The following CTNNA3 variants were observed in gnomAD, a reference collection of about 807,000 sequenced individuals.
CTNNA3 encodes catenin alpha-3.
In CTNNA3, 76 loss-of-function variants were observed where a neutral mutation model predicts 95.7. The observed-to-expected ratio is 0.79, with a 90% CI of 0.66 to 0.96. CTNNA3 has a LOEUF of 0.96. CTNNA3 is among the 40% of genes least tolerant of loss of function. The pLI is 0.00. For missense variants in CTNNA3, 1,191 were observed against 1,089.8 expected, an observed-to-expected ratio of 1.09 and a Z score of -1.31; for synonymous variants, 431 against 374.4, an observed-to-expected ratio of 1.15 and a Z score of -1.74.
At chr10:66,031,153 C>T (rs932557917) in intron 15 of CTNNA3, among the ~76,000 whole-genome samples, 6 of 152,080 alleles carry the variant, frequency 3.9e-5, no homozygotes, top group African/African-American at 1.4e-4. Flanking sequence ...ATTGGAGATT[C>T]CTCAGAGAAC....
rs536804566 is a variant in CTNNA3 at position 67,046,744 on chromosome 10, A to C, written c.1047+133573T>G. On this transcript the variant is annotated intron_variant, in intron 7 of 17. Transcript: ENST00000433211. ...TTTGTTACCATTATCCTTCTCTCTA[A>C]AATCTAGTTCTGAATAAATAAAAGC... Among the ~76,000 whole-genome samples, 5 of 152,292 alleles carry C rather than the reference A, an allele frequency of 3.3e-5. No individual in the cohort carries two copies. In the South Asian group the frequency reaches 1.0e-3, roughly 32 times the overall value.
At chr10:66,111,130 T>C (rs2082105785) in intron 13 of CTNNA3, among the ~76,000 whole-genome samples, 3 of 152,186 alleles carry the variant, frequency 2.0e-5, no homozygotes, top group Non-Finnish European at 4.4e-5. Flanking sequence ...TAGGAGGTGA[T>C]TGGATCACGG....
intron 11 of CTNNA3, among the ~76,000 whole-genome samples, chr10:66,469,869 T>A (rs1267871382): frequency 1.3e-5 from 2 of 151,764 alleles, no homozygotes; most frequent in Non-Finnish European, 2.9e-5. Flanking sequence ...GAGACTTAAT[T>A]GAAAACATAA....
intron 3 of CTNNA3, among the ~76,000 whole-genome samples, chr10:67,541,235 A>T (rs1425239527): frequency 6.6e-6 from 1 of 151,900 alleles, no homozygotes; most frequent in African/African-American, 2.4e-5. Context: ...TTGCCCCAAA[A>T]TTCTCCAAAA....
At chr10:66,723,458 T>C (rs1343917111) in intron 9 of CTNNA3, among the ~76,000 whole-genome samples, 2 of 152,146 alleles carry the variant, frequency 1.3e-5, no homozygotes, top group Non-Finnish European at 2.9e-5. Flanking sequence ...CACTTGGCCT[T>C]ATAGCCACAA....
intron 5 of CTNNA3, among the ~76,000 whole-genome samples, chr10:67,357,525 A>G (rs1201586452): frequency 6.6e-6 from 1 of 152,112 alleles, no homozygotes; most frequent in African/African-American, 2.4e-5. Flanking sequence ...TAACAACACA[A>G]CTGAAAACAC....
chr10:67,124,468 T>C (rs1010220959), intron 7 of CTNNA3, among the ~76,000 whole-genome samples: 4 of 151,970 alleles, frequency 2.6e-5, no homozygotes, highest in African/African-American at 9.7e-5. Context: ...AATCAATTTC[T>C]AGATTACATT....
rs1862485151 is a variant in CTNNA3, at chr10:67,180,529, A to G, written c.844-9T>C. ...TTCAGGACAATTAAATTCTAAGAGA[A>G]GAACACATTTGTATGGTTAGAGCTC... is the stretch of plus-strand genomic sequence containing the variant. On this transcript the variant is annotated splice_polypyrimidine_tract_variant and intron_variant, in intron 6 of 17. Coordinates refer to ENST00000433211, the MANE Select transcript of CTNNA3 (RefSeq NM_013266.4). The G allele has an allele frequency of 1.2e-6, 2 of 1,605,074 alleles. No homozygotes were observed. The highest frequency in any genetic ancestry group is 1.7e-6 in the Non-Finnish European group (2 of 1,171,930).
Position 67,274,474 on chromosome 10 carries a change from G to A in CTNNA3, c.580-54604C>T, listed in dbSNP as rs1839106835. Among the ~76,000 whole-genome samples, 2 of 152,086 alleles carry A rather than the reference G, an allele frequency of 1.3e-5. 1 individual carries two copies. Among genetic ancestry groups the A allele is most frequent in the South Asian group, 4.1e-4 (2 of 4,822 alleles). ...AAACAATAATTGACTGAATTATGAA[G>A]ACATTGGCAAATTTACAATCGCCAT... On this transcript the variant is annotated intron_variant, in intron 5 of 17. Transcript: ENST00000433211.
intron 5 of CTNNA3, among the ~76,000 whole-genome samples, chr10:67,308,893 C>CA (rs904200585): frequency 1.3e-5 from 2 of 151,600 alleles, no homozygotes; most frequent in Non-Finnish European, 2.9e-5. Flanking sequence ...TACTTCAAAA[C>CA]TTTTTTTTTC....
chr10:67,071,244 A>G (rs544743889), intron 7 of CTNNA3, among the ~76,000 whole-genome samples: 1 of 151,796 alleles, frequency 6.6e-6, no homozygotes, highest in African/African-American at 2.4e-5. Flanking sequence ...TCATTCTTCT[A>G]CTTACAACAA....
intron 4 of CTNNA3, among the ~76,000 whole-genome samples, chr10:67,534,845 G>C (rs1460756625): frequency 6.6e-6 from 1 of 152,098 alleles, no homozygotes; most frequent in Non-Finnish European, 1.5e-5. Flanking sequence ...GCAGAAATTT[G>C]GGGGAGAACA....
chr10:67,017,987 G>T (rs1386064002), intron 7 of CTNNA3, among the ~76,000 whole-genome samples: 1 of 152,080 alleles, frequency 6.6e-6, no homozygotes, highest in East Asian at 1.9e-4. Context: ...GGCAAGGCTG[G>T]TCTCAAACTC....
intron 10 of CTNNA3, among the ~76,000 whole-genome samples, chr10:66,543,948 T>G (rs1841956790): frequency 1.4e-5 from 2 of 143,184 alleles, no homozygotes; most frequent in South Asian, 4.4e-4. Flanking sequence ...TATATATATA[T>G]ATATATTTGT....
In CTNNA3 at chr10:66,421,849, A is replaced by G. The variant is rs1422083793; in HGVS notation, c.1532-42497T>C. 7.4e-5 allele frequency among the ~76,000 whole-genome samples: 10 copies of G among 135,516 alleles called. No individual in the cohort carries two copies. In the South Asian group the frequency reaches 7.6e-4, roughly 10 times the overall value. The allele number at this position is 135,516 out of a possible 152,430, so 88.9% of individuals were successfully genotyped here. On this transcript the variant is annotated intron_variant, in intron 11 of 17. Coordinates refer to ENST00000433211, the MANE Select transcript of CTNNA3 (RefSeq NM_013266.4). ...GACTCTGTCTCAAAAAAAAAAAAAA[A>G]AAAAGAAAAGTGTGTTTTTAAATTT... is the stretch of plus-strand genomic sequence containing the variant.
intron 13 of CTNNA3, among the ~76,000 whole-genome samples, chr10:66,117,229 A>C (rs1053865119): frequency 6.6e-6 from 1 of 152,122 alleles, no homozygotes; most frequent in Non-Finnish European, 1.5e-5. Context: ...AAACATATTA[A>C]ATTGTATATT....
intron 9 of CTNNA3, among the ~76,000 whole-genome samples, chr10:66,720,943 C>T (rs1322588436): frequency 3.3e-5 from 5 of 152,190 alleles, no homozygotes; most frequent in Non-Finnish European, 5.9e-5. Flanking sequence ...TAAATGTTTC[C>T]TACTCCAGTC....
intron 12 of CTNNA3, among the ~76,000 whole-genome samples, chr10:66,353,995 G>T (rs114836713): frequency 0.096 from 14,645 of 152,048 alleles, 1,240 homozygotes; most frequent in East Asian, 0.25. Flanking sequence ...AAAATTCCGT[G>T]AACACGGCCA....
At chr10:67,742,369 A>G (rs191001450) in intron 1 of CTNNA3, among the ~76,000 whole-genome samples, 1 of 151,402 alleles carries the variant, frequency 6.6e-6, no homozygotes, top group East Asian at 1.9e-4. Flanking sequence ...ACTCAACTAC[A>G]TGGAAACTGA....
Sources: allele counts gnomAD v4.1 joint callset (sites outside exome capture counted in the v4.1 genomes callset), GRCh38; gene constraint gnomAD v4.1.1; transcripts MANE v1.5; gene names NCBI Gene and HGNC (gene_info 2026-07-23, HGNC 2026-07-21).